HCK: variants seen among roughly 807,000 people sequenced by gnomAD.
HCK encodes tyrosine-protein kinase HCK.
HCK carries 40 observed loss-of-function variants against 70.4 expected under a neutral mutation model. The observed-to-expected ratio is 0.57, with a 90% confidence interval of 0.44 to 0.74. HCK has a LOEUF of 0.74. Ranked by LOEUF, HCK falls within the 30% of genes least tolerant of loss-of-function variation. HCK has a pLI of 0.00. For synonymous variants in HCK, 245 were observed against 263.2 expected (o/e 0.93, Z 0.67); for missense variants, 568 against 697.2 (o/e 0.81, Z 2.09).
intron 11 of HCK, among the ~76,000 whole-genome samples, chr20:32,094,787 GAGAAAGAAAGAA>G (rs71185378): frequency 0.18 from 19,260 of 104,818 alleles, 2,264 homozygotes; most frequent in East Asian, 0.23. Context: ...GAGAGAGAAA[GAGAAAGAAAGAA>G]AGAAAGAAAG....
At chr20:32,097,978 G>A (rs1233143907) in intron 11 of HCK, among the ~76,000 whole-genome samples, 1 of 152,146 alleles carries the variant, frequency 6.6e-6, no homozygotes, top group Admixed American at 6.5e-5. Flanking sequence ...GGAGTTTTGA[G>A]AACAGGCTGG....
rs749323511 is a variant in HCK at position 32,088,572 on chromosome 20, C to T, written c.1020C>T (p.Ser340=). 48 of 1,612,386 alleles carry T rather than the reference C, an allele frequency of 3.0e-5. No homozygotes were observed. The highest frequency in any genetic ancestry group is 3.9e-5 in the Non-Finnish European group (46 of 1,179,412). The change falls in exon 10 of 13, where the codon AGC becomes AGT. Residue 340 remains serine (S), a synonymous_variant. Coordinates refer to ENST00000375852, the MANE Select transcript of HCK (RefSeq NM_002110.5). ...CCTCCCCTCTCCCCCATATAGGAAGCTTGCTGGACTTTCTGAAAAGTGATG... is the reference window on the plus strand; with the variant it reads ...CCTCCCCTCTCCCCCATATAGGAAGTTTGCTGGACTTTCTGAAAAGTGATG...
chr20:32,059,174 G>A (rs939593591), intron 1 of HCK, among the ~76,000 whole-genome samples: 1 of 152,208 alleles, frequency 6.6e-6, no homozygotes, highest in African/African-American at 2.4e-5. Flanking sequence ...CAGAGGCTGA[G>A]GCCAAATGCT....
chr20:32,088,934 T>C (rs985248313), intron 10 of HCK, among the ~76,000 whole-genome samples: 1 of 152,226 alleles, frequency 6.6e-6, no homozygotes, highest in Non-Finnish European at 1.5e-5. Flanking sequence ...CTCATGATCC[T>C]GTGGGTTGCC....
At chr20:32,096,178 C>T (rs1444787671) in intron 11 of HCK, among the ~76,000 whole-genome samples, 2 of 151,960 alleles carry the variant, frequency 1.3e-5, no homozygotes, top group Non-Finnish European at 2.9e-5. Context: ...ATGCGAGCCA[C>T]TGTGCCAGTC....
At chr20:32,094,125 C>A in intron 11 of HCK, 109 bp downstream of exon 11, 1 of 1,011,798 alleles carries the variant, frequency 9.9e-7, no homozygotes, top group Non-Finnish European at 1.5e-6. Context: ...TGCCCCAGTA[C>A]TAGCTGTGCA....
At chr20:32,059,432 TTTTC>T (rs397838502) in intron 1 of HCK, among the ~76,000 whole-genome samples, 1,954 of 147,612 alleles carry the variant, frequency 0.013, 53 homozygotes, top group African/African-American at 0.046. Context: ...TTTCTTTCTT[TTTTC>T]TTTCTTTCTT....
chr20:32,064,164 C>T (rs558177046), intron 1 of HCK, among the ~76,000 whole-genome samples: 64 of 152,014 alleles, frequency 4.2e-4, no homozygotes, highest in African/African-American at 1.3e-3. Context: ...CCACCAAGCC[C>T]GGCTAATTTT....
chr20:32,055,705 T>G (rs1243368526), intron 1 of HCK, among the ~76,000 whole-genome samples: 2 of 152,242 alleles, frequency 1.3e-5, no homozygotes, highest in Non-Finnish European at 2.9e-5. Flanking sequence ...TATATGATTT[T>G]TAAAGCGAAC....
At position 32,083,919 on chromosome 20, in the gene HCK, C is replaced by A. The variant is rs149620250; in HGVS notation, c.558C>A (p.Asp186Glu). 2 of 1,614,226 alleles carry A rather than the reference C, an allele frequency of 1.2e-6. No homozygotes were observed. The highest frequency in any genetic ancestry group is 1.1e-5 in the South Asian group (1 of 91,086). ...GAAGCTACTCTTTGTCCGTGCGAGA[C>A]TACGACCCTCGGCAGGGAGATACCG... The change falls in exon 7 of 13, where the codon GAC becomes GAA. Residue 186 changes from aspartate to glutamate, a missense_variant. This residue lies in a region of HCK where 318 missense variants were observed against 336.0 expected (regional missense o/e 0.95). Transcript: ENST00000375852.
At position 32,084,125 on chromosome 20, in the gene HCK, C is replaced by T. The variant is rs2045748050; in HGVS notation, c.682+82C>T. 1.2e-5 allele frequency: 17 copies of T among 1,429,808 alleles called. 1 individual carries two copies. The South Asian group carries it at 1.3e-4, about 11-fold the overall frequency. 88.6% of individuals were successfully genotyped at this position (1,429,808 alleles called of 1,614,324 possible). On this transcript the variant is annotated intron_variant, in intron 7 of 12. Transcript: ENST00000375852. Reference sequence around the variant, plus strand: ...CACGGATGCACTGTGGCCCCTGAGACCTGCTGTGTCCTTCTTGGCCATCCC... The same window carrying T: ...CACGGATGCACTGTGGCCCCTGAGATCTGCTGTGTCCTTCTTGGCCATCCC...
chr20:32,090,558 C>T (rs975611860), intron 10 of HCK, among the ~76,000 whole-genome samples: 4 of 152,162 alleles, frequency 2.6e-5, no homozygotes, highest in Non-Finnish European at 4.4e-5. Context: ...TTTTGTCTCC[C>T]CCACCCCCAT....
At position 32,081,070 on chromosome 20, in the gene HCK, C is replaced by G. The variant is rs144976144; in HGVS notation, c.532+1193C>G. Among the ~76,000 whole-genome samples, 29 of 152,288 alleles carry G rather than the reference C, an allele frequency of 1.9e-4. No individual in the cohort carries two copies. In the East Asian group the frequency reaches 5.4e-3, roughly 28 times the overall value. ...AGCCACTAGACTCCAGCCTGGGCAA[C>G]AGAGCAAGACCCCATCTCTAAAAAA... On this transcript the variant is annotated intron_variant, in intron 6 of 12. Coordinates refer to ENST00000375852, the MANE Select transcript of HCK (RefSeq NM_002110.5).
chr20:32,088,194 C>T (rs1037649841), intron 9 of HCK, among the ~76,000 whole-genome samples: 2 of 152,168 alleles, frequency 1.3e-5, no homozygotes, highest in African/African-American at 2.4e-5. Context: ...GAGTGAGCCT[C>T]GTGCCTAGCC....
chr20:32,094,795 A>AAGAGAGAGAG, intron 11 of HCK, among the ~76,000 whole-genome samples: 1 of 22,996 alleles, frequency 4.3e-5, no homozygotes, highest in East Asian at 1.4e-3. Context: ...AAGAGAAAGA[A>AAGAGAGAGAG]AGAAAGAAAG....
At chr20:32,080,262 G>A (rs1330015817) in intron 6 of HCK, among the ~76,000 whole-genome samples, 1 of 152,086 alleles carries the variant, frequency 6.6e-6, no homozygotes, top group Non-Finnish European at 1.5e-5. Flanking sequence ...GCAGTGGTGC[G>A]ATCTCGGCTC....
chr20:32,080,900 C>A (rs2045700927), intron 6 of HCK, among the ~76,000 whole-genome samples: 1 of 152,024 alleles, frequency 6.6e-6, no homozygotes, highest in South Asian at 2.1e-4. Context: ...CCAGCCTGGG[C>A]AACATAGTGA....
At position 32,101,794 on chromosome 20, in the gene HCK, A is replaced by T; in HGVS notation, c.*275A>T. 1 of 362,978 alleles carries T rather than the reference A, an allele frequency of 2.8e-6. No individual in the cohort carries two copies. Among genetic ancestry groups the T allele is most frequent in the Non-Finnish European group, 5.0e-6 (1 of 199,432 alleles). 22.5% of individuals were successfully genotyped at this position (362,978 alleles called of 1,614,324 possible). ...GTTACAGCTGTGATTTGGAAGGGAA[A>T]CTTTCAAAATAGTGAAATGAATATT... On this transcript the variant is annotated 3_prime_UTR_variant, in exon 13 of 13. Coordinates refer to ENST00000375852, the MANE Select transcript of HCK (RefSeq NM_002110.5).
At chr20:32,074,565 A>T in intron 4 of HCK, 58 bp from the exon 5 acceptor site, 1 of 1,289,040 alleles carries the variant, frequency 7.8e-7, no homozygotes. Context: ...GGGGAGCTTG[A>T]GGAGACTGGA....
Sources: gnomAD v4.1 joint callset for allele counts (sites outside exome capture counted in the v4.1 genomes callset) on GRCh38, gnomAD v4.1.1 for gene constraint, gnomAD v4.1.1 regional missense constraint, MANE v1.5 for transcripts, NCBI Gene and HGNC (gene_info 2026-07-23, HGNC 2026-07-21) for gene names.